ACACA: variants seen among roughly 807,000 people sequenced by gnomAD.
The protein encoded by ACACA is acetyl-CoA carboxylase 1.
Under a neutral mutation model 296.1 loss-of-function variants are expected in ACACA, and 103 were observed. The observed-to-expected ratio is 0.35, with a 90% CI of 0.30 to 0.41. The LOEUF (loss-of-function observed/expected upper bound fraction) is 0.41. Among genes scored for constraint, ACACA ranks in the 10% least tolerant of loss-of-function variants. The pLI is 1.00. For synonymous variants in ACACA, 953 were observed against 1,038.6 expected (o/e 0.92, Z 1.58); for missense variants, 1,554 against 2,989.7 (o/e 0.52, Z 11.20).
At chr17:37,282,401 A>G (rs2082581540) in intron 5 of ACACA, among the ~76,000 whole-genome samples, 1 of 152,224 alleles carries the variant, frequency 6.6e-6, no homozygotes. Flanking sequence ...TTTCTTTACA[A>G]ATTACGCAGC....
Position 37,381,890 on chromosome 17 carries a change from G to C in ACACA, c.38+24372C>G, listed in dbSNP as rs193284742. On this transcript the variant is annotated intron_variant, in intron 1 of 55. Coordinates refer to ENST00000616317, the MANE Select transcript of ACACA (RefSeq NM_198834.3). ...GATCTGCCCGCCTTGGCCTCCCAAA[G>C]TGCTGGGATTACAGGCGTGAGCCAC... Among the ~76,000 whole-genome samples, 480 of 151,590 alleles carry C rather than the reference G, an allele frequency of 3.2e-3. 4 individuals carry two copies. Among genetic ancestry groups the C allele is most frequent in the African/African-American group, 9.8e-3 (403 of 41,028 alleles).
intron 1 of ACACA, among the ~76,000 whole-genome samples, chr17:37,390,258 T>C (rs1334946885): frequency 1.6e-5 from 1 of 63,772 alleles, no homozygotes; most frequent in African/African-American, 7.4e-5. Flanking sequence ...ATATATTATA[T>C]ATAATTATAT....
chr17:37,354,225 C>T (rs1255110639), intron 1 of ACACA, among the ~76,000 whole-genome samples: 3 of 152,114 alleles, frequency 2.0e-5, no homozygotes, highest in Admixed American at 2.0e-4. Context: ...ATTGTGGTTC[C>T]TTATATAAAA....
Position 37,111,646 on chromosome 17 carries a change from G to A in ACACA, c.6453-3C>T, listed in dbSNP as rs1195200953. 9.3e-6 allele frequency: 15 copies of A among 1,609,376 alleles called. No individual in the cohort carries two copies. Among genetic ancestry groups the A allele is most frequent in the South Asian group, 2.2e-5 (2 of 90,994 alleles). On this transcript the variant is annotated splice_region_variant and splice_polypyrimidine_tract_variant and intron_variant, in intron 51 of 55. Coordinates refer to ENST00000616317, the MANE Select transcript of ACACA (RefSeq NM_198834.3). The stretch of plus-strand genomic sequence containing the variant: ...CTTCTGGCTCCAGAACAGATCCCCT[G>A]GATCAGAAAGAAAGAAAAAACAAAA...
chr17:37,182,081 C>A (rs2077348493), intron 39 of ACACA, among the ~76,000 whole-genome samples: 1 of 152,022 alleles, frequency 6.6e-6, no homozygotes, highest in Non-Finnish European at 1.5e-5. Flanking sequence ...TGAAGAACAG[C>A]TATGCAGTAA....
At chr17:37,306,527 A>G (rs1185774841) in intron 3 of ACACA, among the ~76,000 whole-genome samples, 1 of 152,110 alleles carries the variant, frequency 6.6e-6, no homozygotes, top group Non-Finnish European at 1.5e-5. Flanking sequence ...CAGAAGGCTT[A>G]CTTGTGTCCC....
At chr17:37,239,115 C>T (rs965432932) in intron 24 of ACACA, among the ~76,000 whole-genome samples, 1 of 152,170 alleles carries the variant, frequency 6.6e-6, no homozygotes, top group African/African-American at 2.4e-5. Context: ...AAGCATGAGC[C>T]ACTACATCTA....
At chr17:37,247,098 C>A in intron 18 of ACACA, 122 bp from the exon 19 acceptor site, 1 of 1,020,922 alleles carries the variant, frequency 9.8e-7, no homozygotes, top group East Asian at 2.4e-5. Context: ...CACACACAGA[C>A]ATATTCACTG....
chr17:37,338,322 G>C (rs1013349656), intron 2 of ACACA, among the ~76,000 whole-genome samples: 6 of 150,772 alleles, frequency 4.0e-5, no homozygotes, highest in African/African-American at 1.5e-4. Context: ...CTTAAAAAAA[G>C]TTCAAGATCA....
chr17:37,224,376 G>C (rs1262428675), intron 27 of ACACA, among the ~76,000 whole-genome samples: 7 of 152,040 alleles, frequency 4.6e-5, no homozygotes, highest in African/African-American at 1.7e-4. Flanking sequence ...ATTCCCCTGG[G>C]CCAGATATAA....
chr17:37,354,092 A>G (rs2049026859), intron 1 of ACACA, among the ~76,000 whole-genome samples: 1 of 152,220 alleles, frequency 6.6e-6, no homozygotes, highest in Non-Finnish European at 1.5e-5. Flanking sequence ...GGGATGACAG[A>G]GAGAGACCCT....
intron 1 of ACACA, among the ~76,000 whole-genome samples, chr17:37,380,898 GTT>G (rs201346814): frequency 6.8e-6 from 1 of 146,260 alleles, no homozygotes; most frequent in Non-Finnish European, 1.5e-5. Flanking sequence ...GCCTGGCCAG[GTT>G]TTTTTTTTTT....
chr17:37,200,713 T>C (rs1332924540), intron 33 of ACACA, among the ~76,000 whole-genome samples: 1 of 152,170 alleles, frequency 6.6e-6, no homozygotes, highest in Admixed American at 6.5e-5. Flanking sequence ...AAAGAGAACT[T>C]TGTGGAGGAG....
At chr17:37,397,857 C>G (rs893075186) in intron 1 of ACACA, among the ~76,000 whole-genome samples, 1 of 152,124 alleles carries the variant, frequency 6.6e-6, no homozygotes, top group Admixed American at 6.6e-5. Context: ...TTTCACTGGA[C>G]TCTTGTGAAT....
intron 4 of ACACA, 142 bp from the exon 5 acceptor site, chr17:37,283,547 G>A: frequency 9.2e-7 from 1 of 1,082,540 alleles, no homozygotes; most frequent in East Asian, 2.6e-5. Context: ...TACTGGTCCA[G>A]ACTGTTAGAA....
At chr17:37,386,242 G>A (rs2050523186) in intron 1 of ACACA, 2 of 643,446 alleles carry the variant, frequency 3.1e-6, no homozygotes, top group African/African-American at 1.9e-5. Context: ...TTTTCTTGAG[G>A]TTGAGAAGTT....
chr17:37,295,932 C>CA (rs2083306584), intron 3 of ACACA, among the ~76,000 whole-genome samples: 1 of 151,508 alleles, frequency 6.6e-6, no homozygotes, highest in Non-Finnish European at 1.5e-5. Flanking sequence ...TTCAAAAAAT[C>CA]AAAAAATTAA....
intron 3 of ACACA, among the ~76,000 whole-genome samples, chr17:37,316,904 C>A (rs1214418545): frequency 2.0e-5 from 3 of 151,744 alleles, no homozygotes; most frequent in African/African-American, 7.3e-5. Flanking sequence ...GAAACCGTGT[C>A]TCTACAAAAA....
At chr17:37,122,443 T>C (rs1037530473) in intron 49 of ACACA, 88 bp downstream of exon 49, 1 of 1,056,416 alleles carries the variant, frequency 9.5e-7, no homozygotes, top group African/African-American at 1.6e-5. Context: ...CTAAAACTGA[T>C]GGTTTGCAAT....
Sources: allele counts gnomAD v4.1 joint callset (sites outside exome capture counted in the v4.1 genomes callset), GRCh38; gene constraint gnomAD v4.1.1; transcripts MANE v1.5; gene names NCBI Gene and HGNC (gene_info 2026-07-23, HGNC 2026-07-21).